MPZL1: variants seen among roughly 807,000 people sequenced by gnomAD.
MPZL1 encodes myelin protein zero like 1.
Under a neutral mutation model 29.3 loss-of-function variants are expected in MPZL1, and 16 were observed. The observed-to-expected ratio is 0.55, with a 90% CI of 0.37 to 0.83. The LOEUF is 0.83. Among genes scored for constraint, MPZL1 ranks in the 40% least tolerant of loss-of-function variants. MPZL1 has a pLI of 0.00. For synonymous variants in MPZL1, 143 were observed against 132.0 expected (o/e 1.08, Z -0.57); for missense variants, 279 against 332.9 (o/e 0.84, Z 1.26).
intron 1 of MPZL1, among the ~76,000 whole-genome samples, chr1:167,754,186 A>T (rs1044680409): frequency 2.0e-5 from 3 of 151,638 alleles, no homozygotes; most frequent in Non-Finnish European, 4.4e-5. Flanking sequence ...TTTGGTAGAG[A>T]TGGGGTTTCA....
intron 5 of MPZL1, among the ~76,000 whole-genome samples, chr1:167,777,675 ACT>A (rs1661400550): frequency 6.6e-6 from 1 of 152,080 alleles, no homozygotes; most frequent in Non-Finnish European, 1.5e-5. Flanking sequence ...ATAGGAGAAC[ACT>A]CTCTGAAACC....
At chr1:167,754,095 T>C (rs920591512) in intron 1 of MPZL1, among the ~76,000 whole-genome samples, 2 of 152,076 alleles carry the variant, frequency 1.3e-5, no homozygotes, top group Admixed American at 6.6e-5. Context: ...CCTCCTGGGC[T>C]CAAGCAATCC....
At chr1:167,757,986 C>A (rs1241259758) in intron 1 of MPZL1, among the ~76,000 whole-genome samples, 1 of 151,936 alleles carries the variant, frequency 6.6e-6, no homozygotes, top group Non-Finnish European at 1.5e-5. Flanking sequence ...CCTGTCTCTA[C>A]TTAAAAAAAA....
intron 2 of MPZL1, among the ~76,000 whole-genome samples, chr1:167,770,117 A>G (rs1444335458): frequency 6.6e-6 from 1 of 152,188 alleles, no homozygotes; most frequent in African/African-American, 2.4e-5. Flanking sequence ...AGGGGACGCT[A>G]TTGATGGAGA....
Position 167,733,984 on chromosome 1 carries a change from C to T in MPZL1, c.91+11742C>T, listed in dbSNP as rs989738357. Among the ~76,000 whole-genome samples, 10 of 151,572 alleles carry T rather than the reference C, an allele frequency of 6.6e-5. No homozygotes were observed. In the South Asian group the frequency reaches 1.0e-3, roughly 16 times the overall value. On this transcript the variant is annotated intron_variant, in intron 1 of 5. Coordinates refer to ENST00000359523, the MANE Select transcript of MPZL1 (RefSeq NM_003953.6). ...AGATAAATGCACTGTAGGCCGGGTG[C>T]GGTGGCTCACGCCTGTAATCCCAGC...
At chr1:167,771,553 C>T (rs1661248365) in intron 2 of MPZL1, among the ~76,000 whole-genome samples, 1 of 152,206 alleles carries the variant, frequency 6.6e-6, no homozygotes, top group Non-Finnish European at 1.5e-5. Flanking sequence ...TCACTTCACA[C>T]TTGGAAGATT....
intron 1 of MPZL1, among the ~76,000 whole-genome samples, chr1:167,737,560 T>G (rs765884830): frequency 5.9e-5 from 9 of 152,210 alleles, no homozygotes; most frequent in African/African-American, 9.7e-5. Context: ...TCTCTCCCTG[T>G]GCTGAGATAG....
rs775702781 is a variant in MPZL1, at chr1:167,776,163, C to A, written c.705C>A (p.His235Gln). Residue 235 changes from histidine to glutamine, a missense_variant, in exon 5 of 6, where the codon CAC becomes CAA. Transcript: ENST00000359523. The part of the protein sequence containing the change: ...GLVKSLPSGS[H>Q]QGPVIYAQLD... ...TAAAGAGTCTGCCTTCTGGATCTCA[C>A]CAGGTAATGGCTGATTGCGATTCTG... The A allele has an allele frequency of 3.7e-6, 6 of 1,609,802 alleles. No homozygotes were observed. Among genetic ancestry groups the A allele is most frequent in the Middle Eastern group, 1.6e-4 (1 of 6,076 alleles).
At chr1:167,759,303 ACT>A (rs1011887838) in intron 1 of MPZL1, among the ~76,000 whole-genome samples, 1 of 151,894 alleles carries the variant, frequency 6.6e-6, no homozygotes, top group African/African-American at 2.4e-5. Context: ...GCCCCTAAAA[ACT>A]CTCTTTTATG....
intron 1 of MPZL1, among the ~76,000 whole-genome samples, chr1:167,764,341 A>AT (rs1661063621): frequency 6.6e-6 from 1 of 152,202 alleles, no homozygotes; most frequent in Non-Finnish European, 1.5e-5. Flanking sequence ...AAAAAGAGCC[A>AT]TTTTTATATT....
At chr1:167,735,552 A>AT (rs781588145) in intron 1 of MPZL1, among the ~76,000 whole-genome samples, 6 of 152,154 alleles carry the variant, frequency 3.9e-5, no homozygotes, top group Non-Finnish European at 8.8e-5. Flanking sequence ...TAACCTATCT[A>AT]TATCTTGCTG....
At chr1:167,722,349 TG>T (rs1338375676) in intron 1 of MPZL1, 107 bp downstream of exon 1, 1 of 1,225,588 alleles carries the variant, frequency 8.2e-7, no homozygotes, top group African/African-American at 1.6e-5. Context: ...AGAGCCGAGG[TG>T]GGGAGGGGGC....
chr1:167,744,380 T>A (rs181605392), intron 1 of MPZL1, among the ~76,000 whole-genome samples: 1 of 152,184 alleles, frequency 6.6e-6, no homozygotes, highest in Non-Finnish European at 1.5e-5. Context: ...AGAGTCTAAG[T>A]GTTCTTTAAA....
At position 167,789,896 on chromosome 1, in the gene MPZL1, T is replaced by C. The variant is rs74388383; in HGVS notation, c.*1975T>C. 8.2e-4 allele frequency: 125 copies of C among 152,304 alleles called. No individual in the cohort carries two copies. The highest frequency in any genetic ancestry group is 2.9e-3 in the African/African-American group (119 of 41,558). 9.4% of individuals were successfully genotyped at this position (152,304 alleles called of 1,614,324 possible). ...TTTTGGGCATCTATTTTGAAAACTA[T>C]AGGAGCCTTTGGAAGGCCTCTTATG... On this transcript the variant is annotated 3_prime_UTR_variant, in exon 6 of 6. Coordinates refer to ENST00000359523, the MANE Select transcript of MPZL1 (RefSeq NM_003953.6).
At chr1:167,742,849 T>C (rs538657027) in intron 1 of MPZL1, among the ~76,000 whole-genome samples, 1 of 152,246 alleles carries the variant, frequency 6.6e-6, no homozygotes, top group South Asian at 2.1e-4. Flanking sequence ...TTCTCCTACA[T>C]GTGGCTAGCC....
chr1:167,764,239 A>G (rs1661061698), intron 1 of MPZL1, among the ~76,000 whole-genome samples: 1 of 152,084 alleles, frequency 6.6e-6, no homozygotes, highest in Admixed American at 6.5e-5. Flanking sequence ...TTATAGCAGT[A>G]TGTTCAAATT....
At chr1:167,779,909 C>T (rs1329924627) in intron 5 of MPZL1, among the ~76,000 whole-genome samples, 1 of 151,990 alleles carries the variant, frequency 6.6e-6, no homozygotes, top group African/African-American at 2.4e-5. Flanking sequence ...ATGGTAAATG[C>T]GGATGGTAAT....
intron 1 of MPZL1, among the ~76,000 whole-genome samples, chr1:167,752,527 C>T (rs1436783617): frequency 1.3e-5 from 2 of 152,136 alleles, no homozygotes; most frequent in Admixed American, 1.3e-4. Context: ...GAACTTAGGA[C>T]TTATTATATA....
At chr1:167,784,619 C>T (rs955993734) in intron 5 of MPZL1, among the ~76,000 whole-genome samples, 3 of 152,144 alleles carry the variant, frequency 2.0e-5, no homozygotes, top group African/African-American at 7.2e-5. Context: ...AAATAGCACT[C>T]AGAATCAAAC....
Sources: allele counts gnomAD v4.1 joint callset (sites outside exome capture counted in the v4.1 genomes callset), GRCh38; gene constraint gnomAD v4.1.1; transcripts MANE v1.5; gene names NCBI Gene and HGNC (gene_info 2026-07-23, HGNC 2026-07-21).